The following RORA variants were observed in gnomAD, a reference collection of about 807,000 sequenced individuals.
RORA encodes nuclear receptor ROR-alpha.
Under a neutral mutation model 69.5 loss-of-function variants are expected in RORA, and 7 were observed. The ratio of observed to expected loss-of-function variants is 0.10; its 90% CI spans 0.06 to 0.19. The LOEUF is 0.19. RORA is among the 10% of genes least tolerant of loss of function. The pLI is 1.00. For synonymous variants in RORA, 261 were observed against 240.8 expected (o/e 1.08, Z -0.78); for missense variants, 457 against 663.0 (o/e 0.69, Z 3.41).
At chr15:61,206,782 A>G (rs2079945920) in intron 1 of RORA, among the ~76,000 whole-genome samples, 1 of 152,138 alleles carries the variant, frequency 6.6e-6, no homozygotes, top group Non-Finnish European at 1.5e-5. Context: ...GCCAGATCTC[A>G]GGCTCAGCAC....
chr15:60,686,549 T>A (rs1239709500), intron 1 of RORA, among the ~76,000 whole-genome samples: 2 of 152,228 alleles, frequency 1.3e-5, no homozygotes, highest in African/African-American at 2.4e-5. Context: ...GGCAGAGGTG[T>A]GAACTGATAT....
intron 1 of RORA, among the ~76,000 whole-genome samples, chr15:60,929,400 G>A (rs1445439822): frequency 1.3e-5 from 2 of 152,146 alleles, no homozygotes; most frequent in Admixed American, 1.3e-4. Context: ...GGAAGGCAGC[G>A]GGAAATAAAT....
intron 2 of RORA, among the ~76,000 whole-genome samples, chr15:60,585,473 C>A (rs565780875): frequency 6.6e-6 from 1 of 151,966 alleles, no homozygotes; most frequent in East Asian, 1.9e-4. Flanking sequence ...TGTTTTATTA[C>A]CCCCCAAAAG....
At chr15:60,819,570 C>A (rs62004363) in intron 1 of RORA, among the ~76,000 whole-genome samples, 40,103 of 151,950 alleles carry the variant, frequency 0.26, 5,600 homozygotes, top group Admixed American at 0.35. Flanking sequence ...TCTCTAGAGA[C>A]ATTTCCACAG....
intron 1 of RORA, among the ~76,000 whole-genome samples, chr15:61,197,677 A>G (rs1386888295): frequency 1.3e-5 from 2 of 152,140 alleles, no homozygotes; most frequent in Non-Finnish European, 2.9e-5. Context: ...AAAAATATCA[A>G]TCCCATGGGC....
intron 1 of RORA, among the ~76,000 whole-genome samples, chr15:60,980,820 A>T (rs950895729): frequency 6.6e-6 from 1 of 152,056 alleles, no homozygotes; most frequent in Non-Finnish European, 1.5e-5. Context: ...TTTTCAAATA[A>T]CCAACTTTTG....
rs973532744 is a variant in RORA, at chr15:60,858,744, T to C, written c.167-180058A>G. 3.8e-5 allele frequency among the ~76,000 whole-genome samples: 5 copies of C among 132,158 alleles called. No homozygotes were observed. The South Asian group carries it at 1.3e-3, about 33-fold the overall frequency. 86.7% of individuals were successfully genotyped at this position (132,158 alleles called of 152,430 possible). On this transcript the variant is annotated intron_variant, in intron 1 of 10. Transcript: ENST00000335670. ...ACACACAAAAGCACAAAGCAAAACC[T>C]CAGTTTGGTCAATCCACAAAAAATG...
chr15:60,975,123 T>C (rs1263792512), intron 1 of RORA, among the ~76,000 whole-genome samples: 1 of 151,968 alleles, frequency 6.6e-6, no homozygotes, highest in Non-Finnish European at 1.5e-5. Context: ...CTTAAAAAGA[T>C]AACTGTGGAG....
At chr15:60,692,805 G>A (rs970348605) in intron 1 of RORA, among the ~76,000 whole-genome samples, 9 of 152,066 alleles carry the variant, frequency 5.9e-5, no homozygotes, top group Admixed American at 3.9e-4. Flanking sequence ...CTAAAACTGT[G>A]TGACTGATCC....
At chr15:60,500,765 A>G (rs1190065139) in intron 9 of RORA, among the ~76,000 whole-genome samples, 194 bp downstream of exon 9, 1 of 152,188 alleles carries the variant, frequency 6.6e-6, no homozygotes, top group Non-Finnish European at 1.5e-5. Context: ...GTTTTCTCAA[A>G]AGAATATATG....
At chr15:60,723,216 T>C (rs2071314829) in intron 1 of RORA, among the ~76,000 whole-genome samples, 1 of 152,184 alleles carries the variant, frequency 6.6e-6, no homozygotes, top group Non-Finnish European at 1.5e-5. Context: ...CCATTATACA[T>C]AAATAAATGG....
intron 1 of RORA, among the ~76,000 whole-genome samples, chr15:60,822,382 C>G (rs955929872): frequency 5.3e-5 from 8 of 152,144 alleles, no homozygotes; most frequent in Admixed American, 3.3e-4. Flanking sequence ...CAGCCCATTC[C>G]CCACCACTCT....
chr15:60,666,162 G>C (rs2070377739), intron 2 of RORA, among the ~76,000 whole-genome samples: 1 of 127,374 alleles, frequency 7.9e-6, no homozygotes, highest in South Asian at 3.0e-4. Context: ...GGGATACAAA[G>C]ATAATTTTTT....
At chr15:60,538,999 GCACA>G (rs57764714) in intron 2 of RORA, among the ~76,000 whole-genome samples, 44,923 of 149,964 alleles carry the variant, frequency 0.3, 7,256 homozygotes, top group Middle Eastern at 0.4. Context: ...CCTGCCAAAT[GCACA>G]CACACACACA....
chr15:60,620,366 T>C (rs977963269), intron 2 of RORA, among the ~76,000 whole-genome samples: 2 of 152,216 alleles, frequency 1.3e-5, no homozygotes, highest in East Asian at 1.9e-4. Context: ...ATCCAAAAAA[T>C]TGAAATCATA....
At chr15:61,101,334 G>A (rs1301302406) in intron 1 of RORA, among the ~76,000 whole-genome samples, 1 of 152,148 alleles carries the variant, frequency 6.6e-6, no homozygotes, top group Non-Finnish European at 1.5e-5. Flanking sequence ...AGCAAAGTAG[G>A]GTCATGAGAG....
chr15:60,743,396 T>G (rs1031936510), intron 1 of RORA, among the ~76,000 whole-genome samples: 1 of 152,246 alleles, frequency 6.6e-6, no homozygotes, highest in Non-Finnish European at 1.5e-5. Flanking sequence ...TAGCAAAGGT[T>G]AAGTAGCTAC....
intron 1 of RORA, among the ~76,000 whole-genome samples, chr15:60,822,859 C>A (rs1177622541): frequency 6.6e-6 from 1 of 152,190 alleles, no homozygotes; most frequent in Non-Finnish European, 1.5e-5. Context: ...ATATGCTAAG[C>A]TAATTCATAA....
chr15:60,815,826 TA>T (rs2072802381), intron 1 of RORA, among the ~76,000 whole-genome samples: 1 of 150,100 alleles, frequency 6.7e-6, no homozygotes. Context: ...TCATTGACAA[TA>T]ATAGTATATA....
Sources: allele counts gnomAD v4.1 joint callset (sites outside exome capture counted in the v4.1 genomes callset), GRCh38; gene constraint gnomAD v4.1.1; transcripts MANE v1.5; gene names NCBI Gene and HGNC (gene_info 2026-07-23, HGNC 2026-07-21).